Variants in CSGALNACT1 observed in about 807,000 individuals in gnomAD.
CSGALNACT1 encodes the protein chondroitin sulfate N-acetylgalactosaminyltransferase 1.
A neutral mutation model predicts 51.0 loss-of-function variants in CSGALNACT1; 52 were observed. The ratio of observed to expected loss-of-function variants is 1.02; its 90% CI spans 0.82 to 1.29. CSGALNACT1 has a LOEUF of 1.29. Ranked by LOEUF, CSGALNACT1 falls within the 50% of genes most tolerant of loss-of-function variation. CSGALNACT1 has a pLI of 0.00. For synonymous variants in CSGALNACT1, 341 were observed against 254.4 expected (o/e 1.34, Z -3.24); for missense variants, 935 against 679.2 (o/e 1.38, Z -4.19).
chr8:19,498,410 T>C (rs1490567481), intron 4 of CSGALNACT1, among the ~76,000 whole-genome samples: 1 of 152,166 alleles, frequency 6.6e-6, no homozygotes, highest in Non-Finnish European at 1.5e-5. Context: ...CCAACACGGG[T>C]GAGATGGGAG....
At chr8:19,441,791 A>T (rs2061367563) in intron 5 of CSGALNACT1, among the ~76,000 whole-genome samples, 1 of 152,218 alleles carries the variant, frequency 6.6e-6, no homozygotes, top group South Asian at 2.1e-4. Context: ...CAACCTACAG[A>T]ATGGGAGAAA....
At chr8:19,722,766 T>G (rs1167319840) in intron 1 of CSGALNACT1, among the ~76,000 whole-genome samples, 1 of 152,208 alleles carries the variant, frequency 6.6e-6, no homozygotes, top group African/African-American at 2.4e-5. Context: ...GTGCTGGGTA[T>G]GACTACAGCA....
intron 1 of CSGALNACT1, among the ~76,000 whole-genome samples, chr8:19,743,528 T>C (rs2064447617): frequency 6.6e-6 from 1 of 152,240 alleles, no homozygotes; most frequent in South Asian, 2.1e-4. Flanking sequence ...AAATCAGCGA[T>C]GCGAATATAC....
At chr8:19,480,318 T>C (rs2071009180) in intron 4 of CSGALNACT1, among the ~76,000 whole-genome samples, 1 of 152,192 alleles carries the variant, frequency 6.6e-6, no homozygotes, top group Admixed American at 6.5e-5. Context: ...TATGTGTCCA[T>C]GTGTTTTCAT....
intron 1 of CSGALNACT1, among the ~76,000 whole-genome samples, chr8:19,695,016 C>T (rs915362590): frequency 6.6e-6 from 1 of 152,120 alleles, no homozygotes; most frequent in East Asian, 1.9e-4. Flanking sequence ...CACAGGCCCC[C>T]CATCTACAGC....
intron 3 of CSGALNACT1, among the ~76,000 whole-genome samples, chr8:19,506,701 T>A (rs2077399921): frequency 1.3e-5 from 2 of 152,126 alleles, no homozygotes; most frequent in African/African-American, 4.8e-5. Context: ...TGAGAACTCC[T>A]TGTTGAAAAG....
chr8:19,592,131 C>G (rs970008587), intron 2 of CSGALNACT1, among the ~76,000 whole-genome samples: 1 of 152,166 alleles, frequency 6.6e-6, no homozygotes, highest in Non-Finnish European at 1.5e-5. Flanking sequence ...GAAAATGCTT[C>G]AGGTTAAAGG....
intron 9 of CSGALNACT1, among the ~76,000 whole-genome samples, chr8:19,406,694 T>A (rs1349123418): frequency 1.4e-5 from 2 of 147,526 alleles, no homozygotes; most frequent in African/African-American, 5.0e-5. Flanking sequence ...AACCTCTGAA[T>A]GCAGATTCTT....
At chr8:19,511,899 A>G (rs910386839) in intron 3 of CSGALNACT1, among the ~76,000 whole-genome samples, 2 of 152,160 alleles carry the variant, frequency 1.3e-5, no homozygotes, top group East Asian at 1.9e-4. Context: ...CAGAAGGGGG[A>G]AGTGTTACAC....
intron 4 of CSGALNACT1, among the ~76,000 whole-genome samples, chr8:19,490,807 G>T (rs927395383): frequency 2.6e-5 from 4 of 152,146 alleles, no homozygotes; most frequent in East Asian, 3.9e-4. Flanking sequence ...AAGACTGATT[G>T]AGACCTAGAA....
intron 3 of CSGALNACT1, among the ~76,000 whole-genome samples, chr8:19,550,562 G>T (rs187364627): frequency 1.3e-5 from 2 of 151,964 alleles, no homozygotes; most frequent in African/African-American, 4.8e-5. Flanking sequence ...CCTCTGAGAC[G>T]TCTTTCCTGC....
chr8:19,585,652 T>C (rs1157929873), intron 3 of CSGALNACT1, among the ~76,000 whole-genome samples: 2 of 152,218 alleles, frequency 1.3e-5, no homozygotes, highest in Non-Finnish European at 2.9e-5. Context: ...CTGTGCCACT[T>C]CCTGCCTGGC....
chr8:19,640,425 G>C (rs544104508), intron 1 of CSGALNACT1, among the ~76,000 whole-genome samples: 3 of 152,250 alleles, frequency 2.0e-5, no homozygotes, highest in African/African-American at 7.2e-5. Context: ...AGCTGCTAGA[G>C]TATTCTTGAC....
intron 1 of CSGALNACT1, among the ~76,000 whole-genome samples, chr8:19,659,190 T>G (rs926040843): frequency 2.0e-5 from 3 of 152,206 alleles, no homozygotes; most frequent in Admixed American, 2.0e-4. Flanking sequence ...TCAGGGTATC[T>G]CACATAAGCT....
intron 2 of CSGALNACT1, among the ~76,000 whole-genome samples, chr8:19,592,303 A>G (rs374319979): frequency 2.8e-4 from 43 of 152,346 alleles, no homozygotes; most frequent in African/African-American, 9.1e-4. Context: ...CTTTTGTTAT[A>G]TAAGAAAATA....
intron 4 of CSGALNACT1, among the ~76,000 whole-genome samples, chr8:19,497,299 T>G (rs1244571347): frequency 6.6e-6 from 1 of 152,070 alleles, no homozygotes; most frequent in Non-Finnish European, 1.5e-5. Context: ...TACAGAGCAG[T>G]GAGTAGACCT....
At chr8:19,751,185 C>T (rs1211112444) in intron 1 of CSGALNACT1, among the ~76,000 whole-genome samples, 3 of 152,114 alleles carry the variant, frequency 2.0e-5, no homozygotes, top group African/African-American at 4.8e-5. Flanking sequence ...GAGCTCAGGT[C>T]CTGGAGCCAG....
chr8:19,486,296 G>C (rs1335718782), intron 4 of CSGALNACT1, among the ~76,000 whole-genome samples: 1 of 152,014 alleles, frequency 6.6e-6, no homozygotes, highest in African/African-American at 2.4e-5. Flanking sequence ...CTGCTGCCTG[G>C]TAACTGTCAT....
At chr8:19,520,608 C>T (rs918327393) in intron 3 of CSGALNACT1, among the ~76,000 whole-genome samples, 1 of 152,216 alleles carries the variant, frequency 6.6e-6, no homozygotes, top group African/African-American at 2.4e-5. Flanking sequence ...TGTTTCTATG[C>T]ACAGATAGAT....
Sources: allele counts gnomAD v4.1 joint callset (sites outside exome capture counted in the v4.1 genomes callset), GRCh38; gene constraint gnomAD v4.1.1; transcripts MANE v1.5; gene names NCBI Gene and HGNC (gene_info 2026-07-23, HGNC 2026-07-21).